The following ACAD8 variants were observed in gnomAD, a reference collection of about 807,000 sequenced individuals.
The protein encoded by ACAD8 is acyl-CoA dehydrogenase family member 8.
A neutral mutation model predicts 53.1 loss-of-function variants in ACAD8; 47 were observed. That is an observed-to-expected ratio of 0.89 (90% confidence interval 0.70 to 1.13). The LOEUF is 1.13. ACAD8 is among the 50% of genes most tolerant of loss of function. The probability of loss-of-function intolerance (pLI) is 0.00; values close to 1 mark genes in which losing one functional copy is unlikely to be tolerated. For missense variants in ACAD8, 494 were observed against 535.0 expected (o/e 0.92, Z 0.76); for synonymous variants, 198 against 201.3 (o/e 0.98, Z 0.14).
chr11:134,265,212 A>T lies in ACAD8; in HGVS notation c.*252A>T, dbSNP rs1940114830. ...CATACTACCTTGTTTTCCTAATGCC[A>T]GAAGGGTGACCAGTGAAGATTCACC... is the stretch of plus-strand genomic sequence containing the variant. On this transcript the variant is annotated 3_prime_UTR_variant, in exon 11 of 11. Transcript: ENST00000281182. 1.8e-6 allele frequency: 1 copy of T among 559,134 alleles called. No individual in the cohort carries two copies. Among genetic ancestry groups the T allele is most frequent in the Admixed American group, 3.2e-5 (1 of 31,414 alleles). 34.6% of individuals were successfully genotyped at this position (559,134 alleles called of 1,614,324 possible). A position where few individuals can be genotyped will look rare whatever the true frequency, so the allele number is the denominator to read the frequency against.
At position 134,265,422 on chromosome 11, in the gene ACAD8, A is replaced by G. The variant is rs1940123423; in HGVS notation, c.*462A>G. 1 of 172,398 alleles carries G rather than the reference A, an allele frequency of 5.8e-6. No individual in the cohort carries two copies. The highest frequency in any genetic ancestry group is 5.7e-5 in the Admixed American group (1 of 17,678). The allele number at this position is 172,398 out of a possible 1,614,324, so 10.7% of individuals were successfully genotyped here. On this transcript the variant is annotated 3_prime_UTR_variant, in exon 11 of 11. Coordinates refer to ENST00000281182, the MANE Select transcript of ACAD8 (RefSeq NM_014384.3). ...CTGTCTGTGTCGTTCTCTGTGCCAC[A>G]GCTACAGATGCAGAAGGTTTCTCTG...
chr11:134,258,636 A>T lies in ACAD8; in HGVS notation c.490+12A>T. On this transcript the variant is annotated intron_variant, in intron 4 of 10. Transcript: ENST00000281182. ...CCTCACTGAACCAGGTGAATTTGCCACACTGCACTGAGATATAGCAGGGAG... is the reference window on the plus strand; with the variant it reads ...CCTCACTGAACCAGGTGAATTTGCCTCACTGCACTGAGATATAGCAGGGAG... The T allele has an allele frequency of 1.3e-6, 2 of 1,591,964 alleles. No individual in the cohort carries two copies. Among genetic ancestry groups the T allele is most frequent in the Non-Finnish European group, 1.7e-6 (2 of 1,160,712 alleles).
At chr11:134,255,312 T>A (rs1203773417) in intron 1 of ACAD8, among the ~76,000 whole-genome samples, 1 of 152,140 alleles carries the variant, frequency 6.6e-6, no homozygotes, top group Admixed American at 6.5e-5. Context: ...ATTTTTATAT[T>A]TTTAGTAGAG....
chr11:134,254,234 A>G (rs1224117839), intron 1 of ACAD8, among the ~76,000 whole-genome samples: 1 of 152,252 alleles, frequency 6.6e-6, no homozygotes, highest in Non-Finnish European at 1.5e-5. Context: ...CAACTGCACA[A>G]GAACTCCAGG....
Position 134,262,638 on chromosome 11 carries a change from G to A in ACAD8, c.1195+16G>A, listed in dbSNP as rs748915361. 15 of 1,607,864 alleles carry A rather than the reference G, an allele frequency of 9.3e-6. No homozygotes were observed. Among genetic ancestry groups the A allele is most frequent in the Non-Finnish European group, 1.1e-5 (13 of 1,175,406 alleles). On this transcript the variant is annotated intron_variant, in intron 10 of 10. Coordinates refer to ENST00000281182, the MANE Select transcript of ACAD8 (RefSeq NM_014384.3). The stretch of plus-strand genomic sequence containing the variant: ...ATTCTAGAAGGTAAAAATTGCCAGA[G>A]GTTATTCTCTTCCCTTCAGAACGGG...
chr11:134,258,543 G>A lies in ACAD8; in HGVS notation c.409G>A (p.Gly137Arg), dbSNP rs371449613. 53 of 1,613,472 alleles carry A rather than the reference G, an allele frequency of 3.3e-5. No individual in the cohort carries two copies. Among genetic ancestry groups the A allele is most frequent in the Non-Finnish European group, 4.1e-5 (48 of 1,179,870 alleles). ...NMCAWMIDSF[G>R]NEEQRHKFCP... is the part of the protein sequence containing the mutation. ...GTGTGCCTGGATGATTGATAGCTTC[G>A]GAAATGAGGAACAGAGGCACAAATT... The change falls in exon 4 of 11, where the codon GGA becomes AGA. Residue 137 changes from glycine to arginine, a missense_variant. Transcript: ENST00000281182.
chr11:134,261,046 G>T lies in ACAD8; in HGVS notation c.708G>T (p.Val236=). The T allele has an allele frequency of 6.2e-7, 1 of 1,612,486 alleles. No homozygotes were observed. The highest frequency in any genetic ancestry group is 8.5e-7 in the Non-Finnish European group (1 of 1,179,402). The change falls in exon 7 of 11, where the codon GTG becomes GTT. Residue 236 remains valine (V), a splice_region_variant and synonymous_variant. Coordinates refer to ENST00000281182, the MANE Select transcript of ACAD8 (RefSeq NM_014384.3). The surrounding 1 kb of genome is among the most constrained non-coding windows in gnomAD (Gnocchi z 4.2). ...GLSFGKKEKK[V]GWNSQPTRAV... ...ACGCAGTCCCTGATTTTTGCCAGGT[G>T]GGGTGGAACTCCCAGCCAACACGAG...
intron 3 of ACAD8, chr11:134,257,888 T>C (rs10894789): frequency 0.37 from 58,604 of 160,222 alleles, 11,114 homozygotes; most frequent in African/African-American, 0.46. Context: ...CTCGCTCTGT[T>C]GCCCAGGCTA....
At chr11:134,255,347 G>C (rs773380880) in intron 1 of ACAD8, among the ~76,000 whole-genome samples, 26 of 152,192 alleles carry the variant, frequency 1.7e-4, no homozygotes, top group Non-Finnish European at 3.4e-4. Flanking sequence ...TGTTGGACAA[G>C]CTGGACTTGA....
intron 5 of ACAD8, 129 bp downstream of exon 5, chr11:134,259,213 G>T: frequency 1.2e-6 from 1 of 815,084 alleles, no homozygotes; most frequent in Non-Finnish European, 2.1e-6. Context: ...GAGAACCTCT[G>T]ACCCATTTCT....
Position 134,261,003 on chromosome 11 carries a change from C to A in ACAD8, c.706-41C>A. On this transcript the variant is annotated intron_variant, in intron 6 of 10. Transcript: ENST00000281182. This position sits in a 1 kb window ranked among gnomAD's most constrained non-coding sequence, Gnocchi z 4.2. ...TCCCCAGGGAAGGCCGCCCTACCTG[C>A]TGGATTGTTGGGCAACCACGCAGTC... is the stretch of plus-strand genomic sequence containing the variant. 1 of 1,606,966 alleles carries A rather than the reference C, an allele frequency of 6.2e-7. No individual in the cohort carries two copies. Among genetic ancestry groups the A allele is most frequent in the Non-Finnish European group, 8.5e-7 (1 of 1,176,666 alleles).
intron 4 of ACAD8, 59 bp downstream of exon 4, chr11:134,258,683 C>A: frequency 8.0e-7 from 1 of 1,245,726 alleles, no homozygotes; most frequent in Non-Finnish European, 1.2e-6. Context: ...GCTCAGATGG[C>A]ATTACCGAGC....
rs1169666486 is a variant in ACAD8, at chr11:134,263,011, G to C, written c.1195+389G>C. ...CAAATGTGAGCCAGTATGGTCATCA[G>C]TAGCTCTATATTGATTATCAGCCAG... On this transcript the variant is annotated intron_variant, in intron 10 of 10. Coordinates refer to ENST00000281182, the MANE Select transcript of ACAD8 (RefSeq NM_014384.3). 4.2e-6 allele frequency: 5 copies of C among 1,198,084 alleles called. No individual in the cohort carries two copies. In the Admixed American group the frequency reaches 1.7e-4, roughly 41 times the overall value. The allele number at this position is 1,198,084 out of a possible 1,614,324, so 74.2% of individuals were successfully genotyped here. A position where few individuals can be genotyped will look rare whatever the true frequency, so the allele number is the denominator to read the frequency against.
chr11:134,255,200 G>C (rs777502502), intron 1 of ACAD8, among the ~76,000 whole-genome samples: 4 of 152,096 alleles, frequency 2.6e-5, no homozygotes. Flanking sequence ...ACAGTGGTGC[G>C]ATCTCAACTC....
chr11:134,263,567 GCTTT>G, intron 10 of ACAD8: 1 of 985,476 alleles, frequency 1.0e-6, no homozygotes, highest in Non-Finnish European at 1.2e-6. Flanking sequence ...TTAGACCGCT[GCTTT>G]CTTCTGCAAA....
chr11:134,263,483 C>T, intron 10 of ACAD8: 1 of 984,606 alleles, frequency 1.0e-6, no homozygotes, highest in Non-Finnish European at 1.2e-6. Context: ...GTGAGGCTGC[C>T]ACAGCTTGTC....
chr11:134,262,826 C>A, intron 10 of ACAD8: 6 of 1,455,212 alleles, frequency 4.1e-6, no homozygotes, highest in Non-Finnish European at 4.6e-6. Flanking sequence ...TTTCGGGGGG[C>A]CTCAGATCGC....
chr11:134,256,499 T>G (rs1438827944), intron 1 of ACAD8, 49 bp from the exon 2 acceptor site: 6 of 1,505,360 alleles, frequency 4.0e-6, no homozygotes, highest in African/African-American at 2.8e-5. Flanking sequence ...AACACCTTGT[T>G]GGCAACACTG....
intron 10 of ACAD8, 39 bp downstream of exon 10, chr11:134,262,661 G>T (rs768468354): frequency 6.3e-7 from 1 of 1,586,002 alleles, no homozygotes; most frequent in South Asian, 1.1e-5. Context: ...CCTTCAGAAC[G>T]GGGGCGGGAT....
Sources: gnomAD v4.1 joint callset for allele counts (sites outside exome capture counted in the v4.1 genomes callset) on GRCh38, gnomAD v4.1.1 for gene constraint, Gnocchi (gnomAD v3.1) non-coding constraint, MANE v1.5 for transcripts, NCBI Gene and HGNC (gene_info 2026-07-23, HGNC 2026-07-21) for gene names.